Variants in AASDH observed in about 807,000 individuals in gnomAD.
The protein encoded by AASDH is aminoadipate-semialdehyde dehydrogenase, also known as beta-alanine-activating enzyme.
A neutral mutation model predicts 102.3 loss-of-function variants in AASDH; 81 were observed. The ratio of observed to expected loss-of-function variants is 0.79; its 90% CI spans 0.66 to 0.95. The LOEUF (loss-of-function observed/expected upper bound fraction) is 0.95. Among genes scored for constraint, AASDH ranks in the 40% least tolerant of loss-of-function variants. The probability of loss-of-function intolerance (pLI) is 0.00; values close to 1 mark genes in which losing one functional copy is unlikely to be tolerated. For missense variants in AASDH, 1,203 were observed against 1,266.2 expected (o/e 0.95, Z 0.76); for synonymous variants, 398 against 454.0 (o/e 0.88, Z 1.57).
chr4:56,369,320 T>C (rs934257745), intron 5 of AASDH, among the ~76,000 whole-genome samples: 1 of 152,302 alleles, frequency 6.6e-6, no homozygotes. Flanking sequence ...ATCAAATCTA[T>C]CAAGGAACTT....
chr4:56,378,010 T>A, intron 4 of AASDH, 138 bp downstream of exon 4: 1 of 791,780 alleles, frequency 1.3e-6, no homozygotes. Context: ...TTCACCATGT[T>A]GGCCAGGCTG....
chr4:56,369,369 C>G (rs945466958), intron 5 of AASDH, among the ~76,000 whole-genome samples: 8 of 152,054 alleles, frequency 5.3e-5, no homozygotes, highest in African/African-American at 1.9e-4. Flanking sequence ...TTGAATTTTA[C>G]AGGTAAATAA....
chr4:56,375,950 T>C (rs913711406), intron 4 of AASDH, among the ~76,000 whole-genome samples: 1 of 151,418 alleles, frequency 6.6e-6, no homozygotes, highest in Non-Finnish European at 1.5e-5. Flanking sequence ...TTAATACTCC[T>C]ACTACTAATT....
chr4:56,350,966 T>TGTAA (rs1218003876), intron 10 of AASDH, among the ~76,000 whole-genome samples: 1 of 152,232 alleles, frequency 6.6e-6, no homozygotes, highest in Non-Finnish European at 1.5e-5. Context: ...AGAATAATGA[T>TGTAA]GTAAGCCCTA....
intron 11 of AASDH, chr4:56,348,984 T>C: frequency 4.3e-6 from 2 of 468,300 alleles, no homozygotes; most frequent in Non-Finnish European, 7.5e-6. Flanking sequence ...CAACACATTT[T>C]ATTATTATTC....
At chr4:56,363,202 G>T (rs963183556) in intron 5 of AASDH, among the ~76,000 whole-genome samples, 3 of 152,222 alleles carry the variant, frequency 2.0e-5, no homozygotes, top group Non-Finnish European at 2.9e-5. Flanking sequence ...GCCGAGGCTT[G>T]AGTAGGTAAA....
intron 12 of AASDH, among the ~76,000 whole-genome samples, chr4:56,344,258 G>A (rs920362832): frequency 2.6e-5 from 4 of 152,048 alleles, no homozygotes; most frequent in Non-Finnish European, 2.9e-5. Context: ...TGGTCAAATC[G>A]TTTTCATTAG....
In AASDH at chr4:56,351,386, T is replaced by C; in HGVS notation, c.1648A>G (p.Ser550Gly). Residue 550 changes from serine to glycine, a missense_variant, in exon 10 of 15, where the codon AGT (serine) becomes GGT (glycine). Coordinates refer to ENST00000205214, the MANE Select transcript of AASDH (RefSeq NM_181806.4). Reference sequence around the variant, plus strand: ...TTTTCCCAAAGGTCCTCTTTCCCACTGAGCTTATTCTCAGACTTCAAGTTT... The same window carrying C: ...TTTTCCCAAAGGTCCTCTTTCCCACCGAGCTTATTCTCAGACTTCAAGTTT... Reference protein sequence around the residue: ...YINLKSENKLSGKEDLWEKLQ... With the variant: ...YINLKSENKLGGKEDLWEKLQ... 1 of 1,603,702 alleles carries C rather than the reference T, an allele frequency of 6.2e-7. No individual in the cohort carries two copies.
chr4:56,353,676 A>C, intron 8 of AASDH, 80 bp from the exon 9 acceptor site: 1 of 1,276,518 alleles, frequency 7.8e-7, no homozygotes. Flanking sequence ...TTAATGTCTG[A>C]AATCAAAACA....
chr4:56,361,344 G>C (rs1750267779), intron 5 of AASDH, among the ~76,000 whole-genome samples: 1 of 152,128 alleles, frequency 6.6e-6, no homozygotes. Context: ...AGGAGGTGGA[G>C]GTTGCGGTGA....
chr4:56,383,890 A>C (rs570163172), intron 2 of AASDH, among the ~76,000 whole-genome samples, 180 bp downstream of exon 2: 1 of 141,648 alleles, frequency 7.1e-6, no homozygotes, highest in Non-Finnish European at 1.5e-5. Context: ...GCTCAGAATA[A>C]TTAATTTAAA....
intron 1 of AASDH, among the ~76,000 whole-genome samples, chr4:56,386,637 C>T (rs1363183818): frequency 6.7e-6 from 1 of 148,256 alleles, no homozygotes; most frequent in African/African-American, 2.5e-5. Context: ...ACTAAAAATA[C>T]AAAAAATTAG....
At chr4:56,358,464 T>C (rs1298603524) in intron 5 of AASDH, among the ~76,000 whole-genome samples, 1 of 149,548 alleles carries the variant, frequency 6.7e-6, no homozygotes, top group African/African-American at 2.5e-5. Context: ...AAGTATGGCG[T>C]CATATTACCT....
intron 5 of AASDH, among the ~76,000 whole-genome samples, chr4:56,366,917 G>A (rs1485945586): frequency 6.6e-6 from 1 of 151,774 alleles, no homozygotes; most frequent in Non-Finnish European, 1.5e-5. Context: ...ATTAGGAAAA[G>A]AGGAAGTCAA....
intron 1 of AASDH, among the ~76,000 whole-genome samples, 189 bp downstream of exon 1, chr4:56,387,173 G>A (rs1386414351): frequency 6.6e-6 from 1 of 152,170 alleles, no homozygotes; most frequent in South Asian, 2.1e-4. Context: ...GGCTAGTGAC[G>A]CAGGAGTGTA....
intron 7 of AASDH, 27 bp from the exon 8 acceptor site, chr4:56,354,238 A>C (rs768859780): frequency 6.7e-7 from 1 of 1,496,588 alleles, no homozygotes; most frequent in Non-Finnish European, 8.9e-7. Context: ...CACCAATGTC[A>C]TAAAAATCCA....
chr4:56,346,822 C>A (rs140852006), intron 11 of AASDH, among the ~76,000 whole-genome samples: 12 of 152,146 alleles, frequency 7.9e-5, no homozygotes, highest in African/African-American at 2.9e-4. Flanking sequence ...GTGGGCAGAT[C>A]GCTTGAGCCC....
chr4:56,358,961 G>A (rs1052305887), intron 5 of AASDH, among the ~76,000 whole-genome samples: 2 of 152,020 alleles, frequency 1.3e-5, no homozygotes, highest in Non-Finnish European at 1.5e-5. Flanking sequence ...GTCCATTTTT[G>A]TTTCATGTAT....
chr4:56,342,110 CAAAAAAA>C (rs113304959), intron 14 of AASDH, among the ~76,000 whole-genome samples: 23 of 97,486 alleles, frequency 2.4e-4, no homozygotes, highest in Admixed American at 1.2e-3. Flanking sequence ...GATTCTGTCT[CAAAAAAA>C]AAAAAAAAAA....
Sources: gnomAD v4.1 joint callset for allele counts (sites outside exome capture counted in the v4.1 genomes callset) on GRCh38, gnomAD v4.1.1 for gene constraint, MANE v1.5 for transcripts, NCBI Gene and HGNC (gene_info 2026-07-23, HGNC 2026-07-21) for gene names.